Variants in FHIT observed in about 807,000 individuals in gnomAD.
FHIT encodes the protein bis(5'-adenosyl)-triphosphatase.
In FHIT, 19 loss-of-function variants were observed where a neutral mutation model predicts 17.9. The observed-to-expected ratio is 1.06, with a 90% CI of 0.74 to 1.56. The LOEUF is 1.56. Ranked by LOEUF, FHIT falls within the 40% of genes most tolerant of loss-of-function variation. The pLI, the probability that FHIT is intolerant of heterozygous loss-of-function variation, is 0.00. For missense variants in FHIT, 248 were observed against 189.2 expected, an observed-to-expected ratio of 1.31 and a Z score of -1.82; for synonymous variants, 81 against 69.7, an observed-to-expected ratio of 1.16 and a Z score of -0.81.
intron 5 of FHIT, among the ~76,000 whole-genome samples, chr3:60,167,215 T>C (rs1358959049): frequency 6.6e-6 from 1 of 152,216 alleles, no homozygotes; most frequent in African/African-American, 2.4e-5. Context: ...CACAGTCAAG[T>C]GTTTTGTGAA....
intron 3 of FHIT, among the ~76,000 whole-genome samples, chr3:60,858,190 G>C (rs1256879107): frequency 1.3e-5 from 2 of 152,132 alleles, no homozygotes; most frequent in Non-Finnish European, 2.9e-5. Flanking sequence ...TGATAGTGCA[G>C]ATTCTCTTGT....
chr3:60,112,029 T>C (rs1704695427), intron 5 of FHIT, among the ~76,000 whole-genome samples: 1 of 152,208 alleles, frequency 6.6e-6, no homozygotes, highest in African/African-American at 2.4e-5. Context: ...AGAGAAATTA[T>C]TGTCTCACAC....
chr3:60,586,281 C>T (rs546755439), intron 4 of FHIT, among the ~76,000 whole-genome samples: 1 of 151,922 alleles, frequency 6.6e-6, no homozygotes, highest in Non-Finnish European at 1.5e-5. Context: ...AAATAACCTC[C>T]CCCCAGTCTA....
chr3:60,433,044 A>G (rs2029874920), intron 5 of FHIT, among the ~76,000 whole-genome samples: 1 of 152,004 alleles, frequency 6.6e-6, no homozygotes, highest in Non-Finnish European at 1.5e-5. Context: ...TTCATCTTCC[A>G]TAACAAACTT....
intron 4 of FHIT, among the ~76,000 whole-genome samples, chr3:60,557,724 G>A (rs557134933): frequency 6.6e-6 from 1 of 151,680 alleles, no homozygotes; most frequent in Non-Finnish European, 1.5e-5. Flanking sequence ...TTGCCACGTG[G>A]GCTGAGAAGC....
chr3:60,132,681 G>T (rs886425792), intron 5 of FHIT, among the ~76,000 whole-genome samples: 1 of 152,076 alleles, frequency 6.6e-6, no homozygotes, highest in African/African-American at 2.4e-5. Context: ...TTTACTGGAT[G>T]GTTGAAAAAT....
chr3:60,728,604 T>A (rs537653640), intron 4 of FHIT, among the ~76,000 whole-genome samples: 6 of 151,952 alleles, frequency 3.9e-5, no homozygotes, highest in Non-Finnish European at 8.8e-5. Context: ...TTAAAAAAAA[T>A]TGTTTATTGT....
chr3:59,760,961 G>A (rs536388508), intron 8 of FHIT, among the ~76,000 whole-genome samples: 1 of 152,206 alleles, frequency 6.6e-6, no homozygotes, highest in South Asian at 2.1e-4. Flanking sequence ...TTATAGGCAT[G>A]CACCACTGTG....
Position 60,396,249 on chromosome 3 carries a change from T to C in FHIT, c.103+140611A>G, listed in dbSNP as rs373864691. ...GAACGGATTATGTTTTGATAGCTAC[T>C]GCAGCTTTATATAGTTGATGCACAC... On this transcript the variant is annotated intron_variant, in intron 5 of 9. Coordinates refer to ENST00000492590, the MANE Select transcript of FHIT (RefSeq NM_002012.4). Among the ~76,000 whole-genome samples the C allele has an allele frequency of 1.3e-3, 200 of 152,330 alleles. No homozygotes were observed. The South Asian group carries it at 0.019, about 15-fold the overall frequency.
rs145942158 is a variant in FHIT, at chr3:61,248,672, G to A, written c.-213+2629C>T. On this transcript the variant is annotated intron_variant, in intron 1 of 9. Coordinates refer to ENST00000492590, the MANE Select transcript of FHIT (RefSeq NM_002012.4). ...CAAAATAGAAACAGAGCATGTTGAA[G>A]TTGCATAAACACACAAATAAAGATG... is the stretch of plus-strand genomic sequence containing the variant. Among the ~76,000 whole-genome samples, 5 of 152,318 alleles carry A rather than the reference G, an allele frequency of 3.3e-5. No homozygotes were observed. In the East Asian group the frequency reaches 9.6e-4, roughly 29 times the overall value.
chr3:60,324,445 C>T (rs1236945460), intron 5 of FHIT, among the ~76,000 whole-genome samples: 6 of 151,884 alleles, frequency 4.0e-5, no homozygotes, highest in South Asian at 2.1e-4. Flanking sequence ...ATTAGCCGGG[C>T]GTGGTGGCGG....
intron 5 of FHIT, among the ~76,000 whole-genome samples, chr3:60,152,840 T>G (rs1700524668): frequency 1.3e-5 from 2 of 152,156 alleles, no homozygotes; most frequent in Admixed American, 1.3e-4. Flanking sequence ...ACCTGTAGGT[T>G]AAAACATGAT....
chr3:60,111,349 C>G, intron 5 of FHIT, among the ~76,000 whole-genome samples: 1 of 152,130 alleles, frequency 6.6e-6, no homozygotes. Context: ...AAATGCCCCT[C>G]TGGTAAGACA....
chr3:60,970,260 A>G (rs112094532), intron 3 of FHIT, among the ~76,000 whole-genome samples: 71 of 152,254 alleles, frequency 4.7e-4, no homozygotes, highest in Middle Eastern at 3.4e-3. Context: ...ACCATGCTAT[A>G]TGTACCTATA....
At chr3:60,446,857 AAATAAT>A (rs144268974) in intron 5 of FHIT, among the ~76,000 whole-genome samples, 26,056 of 138,844 alleles carry the variant, frequency 0.19, 2,530 homozygotes, top group Admixed American at 0.29. Context: ...TATCTCATTA[AAATAAT>A]AATAATAATA....
intron 5 of FHIT, among the ~76,000 whole-genome samples, chr3:60,418,592 GA>G (rs1374054436): frequency 1.8e-4 from 23 of 124,682 alleles, no homozygotes; most frequent in African/African-American, 6.6e-4. Context: ...TAGAGGAGCA[GA>G]GCTGGCAGCA....
chr3:60,892,386 A>G (rs1331665712), intron 3 of FHIT, among the ~76,000 whole-genome samples: 5 of 152,066 alleles, frequency 3.3e-5, no homozygotes, highest in Non-Finnish European at 2.9e-5. Flanking sequence ...CACCAACTCA[A>G]CCAGCCCTCT....
intron 4 of FHIT, among the ~76,000 whole-genome samples, chr3:60,567,155 A>G (rs1418403937): frequency 6.6e-6 from 1 of 152,138 alleles, no homozygotes; most frequent in Non-Finnish European, 1.5e-5. Flanking sequence ...CTGCCAAGTC[A>G]ATCCTAAGCC....
intron 5 of FHIT, among the ~76,000 whole-genome samples, chr3:60,435,583 G>T (rs953277723): frequency 3.9e-5 from 6 of 151,980 alleles, no homozygotes; most frequent in African/African-American, 1.4e-4. Context: ...CCTTCTTTTG[G>T]TTTCTTTTCA....
Sources: allele counts gnomAD v4.1 joint callset (sites outside exome capture counted in the v4.1 genomes callset), GRCh38; gene constraint gnomAD v4.1.1; transcripts MANE v1.5; gene names NCBI Gene and HGNC (gene_info 2026-07-23, HGNC 2026-07-21).